The following ZSCAN18 variants were observed in gnomAD, a reference collection of about 807,000 sequenced individuals.
The protein encoded by ZSCAN18 is zinc finger and SCAN domain containing 18, also known as zinc finger and SCAN domain-containing protein 18.
ZSCAN18 carries 16 observed loss-of-function variants against 31.1 expected under a neutral mutation model. The observed-to-expected ratio is 0.51, with a 90% CI of 0.35 to 0.78. The LOEUF is 0.78. ZSCAN18 is among the 30% of genes least tolerant of loss of function. The pLI is 0.01. For missense variants in ZSCAN18, 731 were observed against 697.4 expected, an observed-to-expected ratio of 1.05 and a Z score of -0.54; for synonymous variants, 375 against 320.7, an observed-to-expected ratio of 1.17 and a Z score of -1.81.
rs1463601933 is a variant in ZSCAN18, at chr19:58,090,740, C to T, written c.-119-354G>A. ...CAGTAGCTGGAATTACAAGCATGCA[C>T]CACCACACCCAGCTACTTTTTGTAT... On this transcript the variant is annotated intron_variant, in intron 1 of 6. Transcript: ENST00000601144. The surrounding 1 kb of genome is among the most constrained non-coding windows in gnomAD (Gnocchi z 4.7). The T allele has an allele frequency of 5.7e-6, 1 of 175,840 alleles. No homozygotes were observed. Among genetic ancestry groups the T allele is most frequent in the Admixed American group, 5.8e-5 (1 of 17,180 alleles). The allele number at this position is 175,840 out of a possible 1,614,324, so 10.9% of individuals were successfully genotyped here. A position where few individuals can be genotyped will look rare whatever the true frequency, so the allele number is the denominator to read the frequency against.
At chr19:58,105,835 C>T (rs1449500025) in intron 1 of ZSCAN18, among the ~76,000 whole-genome samples, 1 of 151,852 alleles carries the variant, frequency 6.6e-6, no homozygotes, top group African/African-American at 2.4e-5. Context: ...AAAAATTAGC[C>T]GGCCATAGTG....
At chr19:58,085,535 G>C in intron 6 of ZSCAN18, 156 bp from the exon 7 acceptor site, 1 of 666,160 alleles carries the variant, frequency 1.5e-6, no homozygotes, top group Non-Finnish European at 2.4e-6. Context: ...GTCCCTCCCA[G>C]GCAGCCCTGC....
intron 4 of ZSCAN18, 54 bp from the exon 5 acceptor site, chr19:58,087,062 C>T: frequency 7.0e-7 from 1 of 1,432,822 alleles, no homozygotes; most frequent in South Asian, 1.2e-5. Flanking sequence ...AAGGGAGGAC[C>T]CGCCGCAGCC....
At chr19:58,087,246 T>C in intron 4 of ZSCAN18, 70 bp downstream of exon 4, 2 of 1,466,450 alleles carry the variant, frequency 1.4e-6, no homozygotes, top group South Asian at 1.2e-5. Flanking sequence ...TGCTGAGCAC[T>C]GGTGATGGGG....
At chr19:58,098,456 C>A, upstream of ZSCAN18, 8 of 832,218 alleles carry the variant, frequency 9.6e-6, no homozygotes, top group Non-Finnish European at 1.0e-5. Flanking sequence ...ATAATAGACC[C>A]CTGACAGCCA....
intron 1 of ZSCAN18, among the ~76,000 whole-genome samples, chr19:58,113,934 T>C (rs1211988096): frequency 6.6e-6 from 1 of 151,900 alleles, no homozygotes; most frequent in Non-Finnish European, 1.5e-5. Flanking sequence ...GCCAAGATCG[T>C]GCCACTGTAG....
intron 1 of ZSCAN18, among the ~76,000 whole-genome samples, chr19:58,115,140 A>C (rs1039317124): frequency 2.0e-5 from 3 of 152,220 alleles, no homozygotes; most frequent in African/African-American, 7.2e-5. Context: ...CAAAGCACTC[A>C]CAGGTTCCTG....
Position 58,085,236 on chromosome 19 carries a change from G to A in ZSCAN18, c.982C>T (p.Gln328Ter). The change falls in exon 7 of 7, where the codon CAG becomes TAG. Residue 328 changes from glutamine (Q) to a stop codon, truncating the protein, a stop_gained. Transcript: ENST00000601144. LOFTEE classifies it low-confidence loss of function (END_TRUNC). ...TGCGGGTCCGGGGCCTTCCCAGGCTGCTCTTCCTCCTCCTCAGTGGTGCCC... is the reference window on the plus strand; with the variant it reads ...TGCGGGTCCGGGGCCTTCCCAGGCTACTCTTCCTCCTCCTCAGTGGTGCCC... ...PSGTTEEEEE[Q>*]PGKAPDPQDP... 6.2e-7 allele frequency: 1 copy of A among 1,607,386 alleles called. No individual in the cohort carries two copies.
intron 1 of ZSCAN18, among the ~76,000 whole-genome samples, chr19:58,109,510 C>T (rs560235314): frequency 1.2e-4 from 19 of 152,098 alleles, no homozygotes; most frequent in Admixed American, 3.3e-4. Context: ...TCTAATAGCC[C>T]GAGACTAGAC....
At position 58,085,029 on chromosome 19, in the gene ZSCAN18, C is replaced by T. The variant is rs1353769548; in HGVS notation, c.1189G>A (p.Gly397Arg). The change falls in exon 7 of 7, where the codon GGG (glycine) becomes AGG (arginine). Residue 397 changes from glycine to arginine, a missense_variant. By Grantham distance (125) the Gly-to-Arg change is moderately radical (BLOSUM62 -2). Coordinates refer to ENST00000601144, the MANE Select transcript of ZSCAN18 (RefSeq NM_001145543.2). ...GGCTCGTCAGCCCCAGGGCCCTGCC[C>T]GGCCTCCAGCCCTGCGCTGTCGCCG... ...SSGDSAGLEA[G>R]QGPGADEPGL... 5.0e-6 allele frequency: 8 copies of T among 1,589,232 alleles called. No homozygotes were observed. Among genetic ancestry groups the T allele is most frequent in the Non-Finnish European group, 5.1e-6 (6 of 1,167,482 alleles).
rs2145985117 is a variant in ZSCAN18, at chr19:58,090,593, A to G, written c.-119-207T>C. On this transcript the variant is annotated intron_variant, in intron 1 of 6. Coordinates refer to ENST00000601144, the MANE Select transcript of ZSCAN18 (RefSeq NM_001145543.2). The surrounding 1 kb of genome is among the most constrained non-coding windows in gnomAD (Gnocchi z 4.7). ...GGTAACTCATTCTGTGCATTACCAGAATTTTTTTTTCTTTGAGACCGAGTC... is the reference window on the plus strand; with the variant it reads ...GGTAACTCATTCTGTGCATTACCAGGATTTTTTTTTCTTTGAGACCGAGTC... 2 of 469,432 alleles carry G rather than the reference A, an allele frequency of 4.3e-6. No homozygotes were observed. Among genetic ancestry groups the G allele is most frequent in the East Asian group, 6.8e-5 (2 of 29,594 alleles). 29.1% of individuals were successfully genotyped at this position (469,432 alleles called of 1,614,324 possible).
At chr19:58,104,381 ACAAAACAAAACAAAAC>A (rs1452103761) in intron 1 of ZSCAN18, among the ~76,000 whole-genome samples, 2,716 of 112,998 alleles carry the variant, frequency 0.024, 96 homozygotes, top group African/African-American at 0.069. Flanking sequence ...TGTCTCAAAA[ACAAAACAAAACAAAAC>A]AAAACAAAAA....
intron 1 of ZSCAN18, among the ~76,000 whole-genome samples, chr19:58,095,100 G>C (rs1024825487): frequency 1.3e-5 from 2 of 152,088 alleles, no homozygotes; most frequent in Non-Finnish European, 2.9e-5. Context: ...CTGCAGGTGG[G>C]TACGCTAACC....
chr19:58,118,234 C>T (rs2074749314), intron 1 of ZSCAN18: 7 of 1,160,334 alleles, frequency 6.0e-6, no homozygotes, highest in Non-Finnish European at 8.2e-6. Context: ...AGCCACCGCC[C>T]AGCCCCAGCC....
At chr19:58,102,481 CAAA>C (rs1288333103), upstream of ZSCAN18, among the ~76,000 whole-genome samples, 8 of 152,020 alleles carry the variant, frequency 5.3e-5, no homozygotes, top group Non-Finnish European at 1.0e-4. Flanking sequence ...AACAAACAAA[CAAA>C]CAAACAAACC....
chr19:58,113,855 G>A (rs1024229862), intron 1 of ZSCAN18, among the ~76,000 whole-genome samples: 2 of 152,126 alleles, frequency 1.3e-5, no homozygotes, highest in Admixed American at 6.5e-5. Context: ...GCATGCGCCT[G>A]AAATCCCAGC....
chr19:58,098,773 G>A (rs984351728), upstream of ZSCAN18, among the ~76,000 whole-genome samples: 1 of 152,234 alleles, frequency 6.6e-6, no homozygotes, highest in Non-Finnish European at 1.5e-5. Context: ...TCGAGGCTGA[G>A]ACAGATCTGG....
chr19:58,104,661 C>T (rs1366433268), intron 1 of ZSCAN18, among the ~76,000 whole-genome samples: 2 of 151,926 alleles, frequency 1.3e-5, no homozygotes, highest in Non-Finnish European at 2.9e-5. Context: ...CGAGATCATG[C>T]CACTGCACAC....
chr19:58,107,705 G>A (rs2074646184), intron 1 of ZSCAN18: 1 of 988,946 alleles, frequency 1.0e-6, no homozygotes, highest in Non-Finnish European at 1.2e-6. Context: ...CTGACAAAGA[G>A]GAGGCAAAGA....
Sources: gnomAD v4.1 joint callset for allele counts (sites outside exome capture counted in the v4.1 genomes callset) on GRCh38, gnomAD v4.1.1 for gene constraint, Gnocchi (gnomAD v3.1) non-coding constraint, MANE v1.5 for transcripts, NCBI Gene and HGNC (gene_info 2026-07-23, HGNC 2026-07-21) for gene names.